The following COL5A2 variants were observed in gnomAD, a reference collection of about 807,000 sequenced individuals.
COL5A2 encodes the protein collagen type V alpha 2 chain.
In COL5A2, 23 loss-of-function variants were observed where a neutral mutation model predicts 208.2. That is an observed-to-expected ratio of 0.11 (90% confidence interval 0.08 to 0.16). The LOEUF (loss-of-function observed/expected upper bound fraction) is 0.16, where lower values mean the gene tolerates loss of function less well. Ranked by LOEUF, COL5A2 falls within the 10% of genes least tolerant of loss-of-function variation. The pLI, the probability that COL5A2 is intolerant of heterozygous loss-of-function variation, is 1.00. For missense variants in COL5A2, 1,590 were observed against 1,956.4 expected (o/e 0.81, Z 3.53); for synonymous variants, 625 against 628.5 (o/e 0.99, Z 0.08).
chr2:189,040,026 C>T (rs1010521853), intron 50 of COL5A2, among the ~76,000 whole-genome samples: 10 of 152,170 alleles, frequency 6.6e-5, no homozygotes, highest in Non-Finnish European at 1.0e-4. Context: ...AAAATACCCA[C>T]AGGAAACACC....
intron 1 of COL5A2, among the ~76,000 whole-genome samples, chr2:189,204,958 T>C (rs1019359594): frequency 6.6e-6 from 1 of 152,186 alleles, no homozygotes; most frequent in Admixed American, 6.5e-5. Flanking sequence ...CTACCACACA[T>C]CTTTCTGCAG....
chr2:189,168,406 T>C (rs1576570270), intron 1 of COL5A2, among the ~76,000 whole-genome samples: 1 of 152,154 alleles, frequency 6.6e-6, no homozygotes. Flanking sequence ...AATCTTTCCA[T>C]GGTAGTCAGT....
At position 189,051,300 on chromosome 2, in the gene COL5A2, A is replaced by AACGGAT; in HGVS notation, c.2931+14_2931+19dup. Reference sequence around the variant, plus strand: ...AATATCTCAGTTGAAGGTGGTCTGGAACGGATACGCCAAACTTACAGGTTG... The same window carrying AACGGAT: ...AATATCTCAGTTGAAGGTGGTCTGGAACGGATACGGATACGCCAAACTTACAGGTTG... On this transcript the variant is annotated intron_variant, in intron 42 of 53. Coordinates refer to ENST00000374866, the MANE Select transcript of COL5A2 (RefSeq NM_000393.5). 6.2e-7 allele frequency: 1 copy of AACGGAT among 1,614,044 alleles called. No homozygotes were observed. The highest frequency in any genetic ancestry group is 1.6e-4 in the Middle Eastern group (1 of 6,062).
the COL5A2 span, among the ~76,000 whole-genome samples, chr2:189,316,759 T>G: frequency 7.1e-6 from 1 of 141,160 alleles, no homozygotes; most frequent in East Asian, 2.1e-4. Flanking sequence ...CAAAATTTAT[T>G]TATTTATTTT....
chr2:189,366,318 C>A, the COL5A2 span, among the ~76,000 whole-genome samples: 1 of 152,156 alleles, frequency 6.6e-6, no homozygotes, highest in African/African-American at 2.4e-5. Context: ...CTATTATTAT[C>A]TGTAGCAGTG....
chr2:189,377,184 C>G, the COL5A2 span, among the ~76,000 whole-genome samples: 2 of 152,180 alleles, frequency 1.3e-5, no homozygotes, highest in African/African-American at 4.8e-5. Flanking sequence ...CATGGTATGG[C>G]TTGTCACATT....
At chr2:189,219,624 A>G (rs1464812748) in intron 1 of COL5A2, among the ~76,000 whole-genome samples, 1 of 152,208 alleles carries the variant, frequency 6.6e-6, no homozygotes, top group African/African-American at 2.4e-5. Context: ...GTAAGATAGA[A>G]TTATAGATCC....
chr2:189,256,794 AT>A, the COL5A2 span, among the ~76,000 whole-genome samples: 2 of 151,968 alleles, frequency 1.3e-5, no homozygotes, highest in African/African-American at 4.8e-5. Flanking sequence ...TGCCCAGCTA[AT>A]TTTTTTGTAT....
intron 18 of COL5A2, among the ~76,000 whole-genome samples, chr2:189,069,236 A>T (rs1413038581): frequency 1.3e-5 from 2 of 152,216 alleles, no homozygotes; most frequent in Non-Finnish European, 2.9e-5. Flanking sequence ...CATATTAAAC[A>T]GTTTAGATAA....
the COL5A2 span, among the ~76,000 whole-genome samples, chr2:189,272,659 A>AT: frequency 8.6e-5 from 13 of 151,906 alleles, no homozygotes; most frequent in South Asian, 2.1e-4. Context: ...TTAAAGTATA[A>AT]TTTTTTTAAA....
chr2:189,075,334 T>C, intron 17 of COL5A2, 59 bp downstream of exon 17: 1 of 1,268,640 alleles, frequency 7.9e-7, no homozygotes, highest in Non-Finnish European at 1.2e-6. Context: ...TTTTTGAATG[T>C]ACAAATGGAA....
At chr2:189,383,510 T>A in the COL5A2 span, among the ~76,000 whole-genome samples, 4 of 152,160 alleles carry the variant, frequency 2.6e-5, no homozygotes, top group Non-Finnish European at 2.9e-5. Context: ...CAGTCCATAA[T>A]AGGTTCTAAA....
the COL5A2 span, among the ~76,000 whole-genome samples, chr2:189,326,941 C>T: frequency 1.3e-5 from 2 of 151,614 alleles, no homozygotes; most frequent in African/African-American, 2.4e-5. Flanking sequence ...CGTGATGGCA[C>T]ACACCTGTAA....
intron 1 of COL5A2, among the ~76,000 whole-genome samples, chr2:189,127,094 C>T (rs1261854660): frequency 6.6e-6 from 1 of 151,904 alleles, no homozygotes; most frequent in Non-Finnish European, 1.5e-5. Context: ...GATACCTTTT[C>T]TTGTGGAAGT....
chr2:189,296,025 TA>T, the COL5A2 span, among the ~76,000 whole-genome samples: 15 of 152,088 alleles, frequency 9.9e-5, no homozygotes, highest in Non-Finnish European at 1.5e-5. Context: ...TAATCAAACT[TA>T]AAAAAATAGA....
chr2:189,151,421 A>G (rs1424612373), intron 1 of COL5A2, among the ~76,000 whole-genome samples: 1 of 152,188 alleles, frequency 6.6e-6, no homozygotes, highest in Non-Finnish European at 1.5e-5. Flanking sequence ...TCTTCACAAG[A>G]AAAGCAATAG....
At chr2:189,258,878 C>T in the COL5A2 span, among the ~76,000 whole-genome samples, 1 of 152,034 alleles carries the variant, frequency 6.6e-6, no homozygotes, top group African/African-American at 2.4e-5. Flanking sequence ...TACCAGGCAC[C>T]CAGGAGAAAC....
the COL5A2 span, among the ~76,000 whole-genome samples, chr2:189,297,588 G>A: frequency 6.6e-6 from 1 of 152,142 alleles, no homozygotes; most frequent in Non-Finnish European, 1.5e-5. Context: ...AAATCCAGAT[G>A]CTTTCATATT....
the COL5A2 span, among the ~76,000 whole-genome samples, chr2:189,277,909 A>G: frequency 6.6e-6 from 1 of 152,040 alleles, no homozygotes; most frequent in African/African-American, 2.4e-5. Context: ...ATTGAAATCT[A>G]TTTTTCCTGG....
Sources: gnomAD v4.1 joint callset for allele counts (sites outside exome capture counted in the v4.1 genomes callset) on GRCh38, gnomAD v4.1.1 for gene constraint, MANE v1.5 for transcripts, NCBI Gene and HGNC (gene_info 2026-07-23, HGNC 2026-07-21) for gene names.